Variants in CACNG8 observed in about 807,000 individuals in gnomAD.
CACNG8 encodes the protein voltage-dependent calcium channel gamma-8 subunit.
Under a neutral mutation model 26.9 loss-of-function variants are expected in CACNG8, and 5 were observed. The observed-to-expected ratio is 0.19, with a 90% CI of 0.10 to 0.39. CACNG8 has a LOEUF of 0.39. Among genes scored for constraint, CACNG8 ranks in the 10% least tolerant of loss-of-function variants. The pLI is 1.00. For missense variants in CACNG8, 473 were observed against 609.4 expected, an observed-to-expected ratio of 0.78 and a Z score of 2.36; for synonymous variants, 321 against 296.7, an observed-to-expected ratio of 1.08 and a Z score of -0.84.
At chr19:53,965,346 G>T (rs775843976) in intron 1 of CACNG8, among the ~76,000 whole-genome samples, 1 of 152,130 alleles carries the variant, frequency 6.6e-6, no homozygotes, top group Admixed American at 6.5e-5. Flanking sequence ...CTGAGCAGCA[G>T]CTGGGGGGTC....
At chr19:53,966,114 GTC>G (rs1945695227) in intron 1 of CACNG8, among the ~76,000 whole-genome samples, 3 of 152,004 alleles carry the variant, frequency 2.0e-5, no homozygotes, top group Admixed American at 6.6e-5. Flanking sequence ...TTGAAACAGA[GTC>G]TTGCTTTGTC....
In CACNG8 at chr19:53,982,564, C is replaced by A; in HGVS notation, c.993C>A (p.Gly331=). The change falls in exon 4 of 4, where the codon GGC becomes GGA. Residue 331 remains glycine, a synonymous_variant. Coordinates refer to ENST00000270458, the MANE Select transcript of CACNG8 (RefSeq NM_031895.6). This position sits in a 1 kb window ranked among gnomAD's most constrained non-coding sequence, Gnocchi z 8.4. Reference sequence around the variant, plus strand: ...CGGGGGCCGGCGGCGGCGGCGGCGGCGCCGTGGGGGCGTTCGGCGGCGCGG... The same window carrying A: ...CGGGGGCCGGCGGCGGCGGCGGCGGAGCCGTGGGGGCGTTCGGCGGCGCGG... 1 of 1,123,440 alleles carries A rather than the reference C, an allele frequency of 8.9e-7. No individual in the cohort carries two copies. Among genetic ancestry groups the A allele is most frequent in the South Asian group, 4.1e-5 (1 of 24,504 alleles). The allele number at this position is 1,123,440 out of a possible 1,614,324, so 69.6% of individuals were successfully genotyped here. A position where few individuals can be genotyped will look rare whatever the true frequency, so the allele number is the denominator to read the frequency against.
intron 1 of CACNG8, among the ~76,000 whole-genome samples, chr19:53,964,217 C>G (rs1044021840): frequency 2.0e-5 from 3 of 151,848 alleles, no homozygotes; most frequent in Non-Finnish European, 2.9e-5. Context: ...ATTTCCCCCC[C>G]AGTCCTCTGA....
chr19:53,963,104 C>T lies in CACNG8; in HGVS notation c.-39C>T, dbSNP rs1472747950. ...CGGCACGGCCCCGCCCCCGCTGCCC[C>T]GGTGGTGGCCCACGGCCCCCCGGCT... On this transcript the variant is annotated 5_prime_UTR_variant, in exon 1 of 4. Coordinates refer to ENST00000270458, the MANE Select transcript of CACNG8 (RefSeq NM_031895.6). 5 of 1,403,352 alleles carry T rather than the reference C, an allele frequency of 3.6e-6. No homozygotes were observed. In the South Asian group the frequency reaches 4.5e-5, roughly 13 times the overall value. 86.9% of individuals were successfully genotyped at this position (1,403,352 alleles called of 1,614,324 possible).
In CACNG8 at chr19:53,982,553, G is replaced by GGCGGCGGCGGCGCCGTGGGGGCGT; in HGVS notation, c.983_1006dup (p.Ala335_Phe336insCysGlyGlyGlyAlaValGlyAla). ...CGCGGGGCTGGCGGGGGCCGGCGGC[G>GGCGGCGGCGGCGCCGTGGGGGCGT]GCGGCGGCGGCGCCGTGGGGGCGTT... On this transcript the variant is annotated inframe_insertion, in exon 4 of 4. Coordinates refer to ENST00000270458, the MANE Select transcript of CACNG8 (RefSeq NM_031895.6). This position sits in a 1 kb window ranked among gnomAD's most constrained non-coding sequence, Gnocchi z 8.4. The GGCGGCGGCGGCGCCGTGGGGGCGT allele has an allele frequency of 6.8e-6, 8 of 1,180,792 alleles. No individual in the cohort carries two copies. Among genetic ancestry groups the GGCGGCGGCGGCGCCGTGGGGGCGT allele is most frequent in the African/African-American group, 1.6e-5 (1 of 61,708 alleles). The allele number at this position is 1,180,792 out of a possible 1,614,324, so 73.1% of individuals were successfully genotyped here.
Position 53,986,080 on chromosome 19 carries a change from C to CAGAGGAGAGAGAAGAGGA in CACNG8, c.*3242_*3259dup, listed in dbSNP as rs2069406096. Reference sequence around the variant, plus strand: ...AAAAGTCAAAGACAGGAAGGTGATACAGAGGAGAGAGAAGAGGAAGAGGAG... The same window carrying CAGAGGAGAGAGAAGAGGA: ...AAAAGTCAAAGACAGGAAGGTGATACAGAGGAGAGAGAAGAGGAAGAGGAGAGAGAAGAGGAAGAGGAG... On this transcript the variant is annotated 3_prime_UTR_variant, in exon 4 of 4. Coordinates refer to ENST00000270458, the MANE Select transcript of CACNG8 (RefSeq NM_031895.6). 1 of 152,178 alleles carries CAGAGGAGAGAGAAGAGGA rather than the reference C, an allele frequency of 6.6e-6. No individual in the cohort carries two copies. Among genetic ancestry groups the CAGAGGAGAGAGAAGAGGA allele is most frequent in the Non-Finnish European group, 1.5e-5 (1 of 68,176 alleles). 9.4% of individuals were successfully genotyped at this position (152,178 alleles called of 1,614,324 possible).
At chr19:53,968,848 G>C (rs566631468) in intron 1 of CACNG8, among the ~76,000 whole-genome samples, 30 of 151,620 alleles carry the variant, frequency 2.0e-4, no homozygotes, top group Admixed American at 7.9e-4. Flanking sequence ...ACAGGTTTGG[G>C]GAAAAACAGG....
intron 2 of CACNG8, 98 bp from the exon 3 acceptor site, chr19:53,979,769 G>A (rs2069352861): frequency 1.5e-6 from 2 of 1,307,256 alleles, no homozygotes; most frequent in African/African-American, 3.0e-5. Flanking sequence ...CAGAACTGTC[G>A]GGAGGCGCCG....
At position 53,983,881 on chromosome 19, in the gene CACNG8, CAG is replaced by C. The variant is rs1466090601; in HGVS notation, c.*1033_*1034del. The C allele has an allele frequency of 6.5e-6, 1 of 152,704 alleles. No homozygotes were observed. The highest frequency in any genetic ancestry group is 1.5e-5 in the Non-Finnish European group (1 of 68,354). The allele number at this position is 152,704 out of a possible 1,614,324, so 9.5% of individuals were successfully genotyped here. ...ATCAAGGTGAGGCCGGAGACACAGA[CAG>C]GGCCAGATTGTGCAGGGGCTCGTAG... is the stretch of plus-strand genomic sequence containing the variant. On this transcript the variant is annotated 3_prime_UTR_variant, in exon 4 of 4. Transcript: ENST00000270458.
rs534863097 is a variant in CACNG8, at chr19:53,963,065, C to G, written c.-78C>G. On this transcript the variant is annotated 5_prime_UTR_variant, in exon 1 of 4. Transcript: ENST00000270458. ...CCCCGCTTCTGCCTGCGCTGTGAAC[C>G]CCCCCCCAGCCGCCGGCACGGCCCC... 1.2e-4 allele frequency: 102 copies of G among 874,980 alleles called. No individual in the cohort carries two copies. The highest frequency in any genetic ancestry group is 3.9e-4 in the Middle Eastern group (1 of 2,596). The allele number at this position is 874,980 out of a possible 1,614,324, so 54.2% of individuals were successfully genotyped here. A position where few individuals can be genotyped will look rare whatever the true frequency, so the allele number is the denominator to read the frequency against.
At chr19:53,980,508 G>A (rs1044225917) in intron 3 of CACNG8, among the ~76,000 whole-genome samples, 2 of 152,122 alleles carry the variant, frequency 1.3e-5, no homozygotes, top group Non-Finnish European at 2.9e-5. Context: ...CTGGTCCTGG[G>A]AAACCGTCCA....
intron 3 of CACNG8, 90 bp downstream of exon 3, chr19:53,980,097 C>CGT: frequency 9.8e-6 from 13 of 1,324,674 alleles, no homozygotes; most frequent in Non-Finnish European, 1.1e-5. Context: ...CGCGCGCGCG[C>CGT]GTGAGTGCAA....
intron 1 of CACNG8, among the ~76,000 whole-genome samples, chr19:53,973,055 C>A (rs931718913): frequency 1.3e-5 from 2 of 152,206 alleles, no homozygotes; most frequent in Non-Finnish European, 2.9e-5. Context: ...TATTAACCAC[C>A]TGTCAAATGC....
intron 3 of CACNG8, 100 bp from the exon 4 acceptor site, chr19:53,981,967 CCGCCTGGGGGTGG>C (rs1313979593): frequency 9.3e-5 from 114 of 1,220,572 alleles, no homozygotes; most frequent in African/African-American, 1.6e-5. Flanking sequence ...GGGGCCTAGA[CCGCCTGGGGGTGG>C]CGCCTGGGCC....
chr19:53,989,286 A>C lies in CACNG8; in HGVS notation c.*6437A>C, dbSNP rs2069426176. 1 of 150,862 alleles carries C rather than the reference A, an allele frequency of 6.6e-6. No homozygotes were observed. Among genetic ancestry groups the C allele is most frequent in the Admixed American group, 6.6e-5 (1 of 15,190 alleles). The allele number at this position is 150,862 out of a possible 1,614,324, so 9.3% of individuals were successfully genotyped here. On this transcript the variant is annotated 3_prime_UTR_variant, in exon 4 of 4. Coordinates refer to ENST00000270458, the MANE Select transcript of CACNG8 (RefSeq NM_031895.6). ...TGTCTCAGAAAACAGAAAGAAAGAAAGTCAAAGAAATAAAGTCAAAGACAA... is the reference window on the plus strand; with the variant it reads ...TGTCTCAGAAAACAGAAAGAAAGAACGTCAAAGAAATAAAGTCAAAGACAA...
In CACNG8 at chr19:53,986,885, A is replaced by G. The variant is rs10418582; in HGVS notation, c.*4036A>G. The G allele has an allele frequency of 0.73, 110,776 of 152,142 alleles. 40,511 individuals carry two copies. The highest frequency in any genetic ancestry group is 0.88 in the East Asian group (4,561 of 5,168). The allele number at this position is 152,142 out of a possible 1,614,324, so 9.4% of individuals were successfully genotyped here. On this transcript the variant is annotated 3_prime_UTR_variant, in exon 4 of 4. Coordinates refer to ENST00000270458, the MANE Select transcript of CACNG8 (RefSeq NM_031895.6). ...CCAGAGGCAGCCCCAAAGCCCAGAA[A>G]AGTAGCAGGTCTTCGAGGAGGCCTG...
rs2069399547 is a variant in CACNG8, at chr19:53,985,175, T to G, written c.*2326T>G. 6.6e-6 allele frequency: 1 copy of G among 152,252 alleles called. No individual in the cohort carries two copies. The highest frequency in any genetic ancestry group is 2.4e-5 in the African/African-American group (1 of 41,436). The allele number at this position is 152,252 out of a possible 1,614,324, so 9.4% of individuals were successfully genotyped here. On this transcript the variant is annotated 3_prime_UTR_variant, in exon 4 of 4. Coordinates refer to ENST00000270458, the MANE Select transcript of CACNG8 (RefSeq NM_031895.6). ...TGAGGCCTCCCCCGAAGCCTTGTGC[T>G]GGGCGGTGCTGGGAGTGGAGAGGTG...
intron 1 of CACNG8, among the ~76,000 whole-genome samples, chr19:53,966,627 C>T (rs2069273675): frequency 1.3e-5 from 2 of 152,112 alleles, no homozygotes; most frequent in Admixed American, 1.3e-4. Context: ...CTCCTGGGCT[C>T]AAGCAATCCT....
At chr19:53,975,097 C>T (rs1056696357) in intron 1 of CACNG8, among the ~76,000 whole-genome samples, 1 of 150,980 alleles carries the variant, frequency 6.6e-6, no homozygotes, top group Non-Finnish European at 1.5e-5. Context: ...TACAGGTGCA[C>T]ACCACCATGC....
Sources: gnomAD v4.1 joint callset for allele counts (sites outside exome capture counted in the v4.1 genomes callset) on GRCh38, gnomAD v4.1.1 for gene constraint, Gnocchi (gnomAD v3.1) non-coding constraint, MANE v1.5 for transcripts, NCBI Gene and HGNC (gene_info 2026-07-23, HGNC 2026-07-21) for gene names.